Variants in KIF26B observed in about 807,000 individuals in gnomAD.
KIF26B encodes the protein kinesin family member 26B.
KIF26B carries 63 observed loss-of-function variants against 151.2 expected under a neutral mutation model. The observed-to-expected ratio is 0.42, with a 90% CI of 0.34 to 0.51. The LOEUF (loss-of-function observed/expected upper bound fraction) is 0.51. Among genes scored for constraint, KIF26B ranks in the 20% least tolerant of loss-of-function variants. KIF26B has a pLI of 0.07. For missense variants in KIF26B, 2,813 were observed against 2,913.6 expected (o/e 0.97, Z 0.79); for synonymous variants, 1,357 against 1,262.1 (o/e 1.08, Z -1.59).
At chr1:245,266,441 A>G (rs1486920054) in intron 2 of KIF26B, among the ~76,000 whole-genome samples, 1 of 152,188 alleles carries the variant, frequency 6.6e-6, no homozygotes, top group Non-Finnish European at 1.5e-5. Flanking sequence ...CCTGGTGGAA[A>G]GAGAATAAGC....
At chr1:245,598,888 T>C (rs1771527) in intron 5 of KIF26B, among the ~76,000 whole-genome samples, 59,158 of 151,848 alleles carry the variant, frequency 0.39, 11,690 homozygotes, top group African/African-American at 0.43. Flanking sequence ...AATCAGGGTG[T>C]CAGGGGGCCT....
intron 5 of KIF26B, among the ~76,000 whole-genome samples, chr1:245,566,621 C>T (rs906450134): frequency 6.6e-6 from 1 of 152,224 alleles, no homozygotes; most frequent in South Asian, 2.1e-4. Flanking sequence ...TCAAGCGCAA[C>T]ATGTTGATTT....
intron 2 of KIF26B, among the ~76,000 whole-genome samples, chr1:245,208,409 G>C (rs1488564131): frequency 6.6e-6 from 1 of 152,124 alleles, no homozygotes; most frequent in Non-Finnish European, 1.5e-5. Context: ...ATTTTCAGGG[G>C]TGTTTCTCTC....
chr1:245,702,162 G>A lies in KIF26B; in HGVS notation c.6179-296G>A, dbSNP rs1047504506. Among the ~76,000 whole-genome samples, 7 of 152,046 alleles carry A rather than the reference G, an allele frequency of 4.6e-5. No homozygotes were observed. Among genetic ancestry groups the A allele is most frequent in the Non-Finnish European group, 1.0e-4 (7 of 68,024 alleles). On this transcript the variant is annotated intron_variant, in intron 14 of 14. Transcript: ENST00000407071. This position sits in a 1 kb window ranked among gnomAD's most constrained non-coding sequence, Gnocchi z 4.1. ...AGTGTGGTAGCGTCTCTCAAATCCT[G>A]GGATCCATCCTGGATCCTCCATGGC...
intron 2 of KIF26B, among the ~76,000 whole-genome samples, chr1:245,195,716 C>T (rs572651899): frequency 2.6e-5 from 4 of 152,222 alleles, no homozygotes; most frequent in African/African-American, 7.2e-5. Flanking sequence ...CGCCAAACAC[C>T]GAAAGAGCTA....
intron 5 of KIF26B, among the ~76,000 whole-genome samples, chr1:245,600,021 G>A (rs890939384): frequency 2.0e-5 from 3 of 151,558 alleles, no homozygotes; most frequent in South Asian, 2.1e-4. Context: ...CCAGGGCAAG[G>A]AGTTCTAAAA....
intron 2 of KIF26B, among the ~76,000 whole-genome samples, chr1:245,333,826 C>T (rs1672167195): frequency 6.6e-6 from 1 of 152,118 alleles, no homozygotes; most frequent in South Asian, 2.1e-4. Flanking sequence ...GCTGAAACCC[C>T]ATCTCTACTA....
intron 4 of KIF26B, among the ~76,000 whole-genome samples, chr1:245,459,777 G>A (rs1476659665): frequency 6.6e-6 from 1 of 152,158 alleles, no homozygotes; most frequent in Non-Finnish European, 1.5e-5. Flanking sequence ...CAGACCTGGA[G>A]CTAGGCTTCT....
At chr1:245,696,860 A>G (rs1462035419) in intron 12 of KIF26B, among the ~76,000 whole-genome samples, 1 of 152,212 alleles carries the variant, frequency 6.6e-6, no homozygotes, top group Admixed American at 6.5e-5. Context: ...CTGTAATCCC[A>G]ACACTTTGGG....
chr1:245,687,592 C>T lies in KIF26B; in HGVS notation c.4609C>T (p.Leu1537Phe), dbSNP rs1267687489. Residue 1537 changes from leucine to phenylalanine, a missense_variant, in exon 12 of 15, where the codon CTT (leucine) becomes TTT (phenylalanine). Physicochemically the swap from Leu to Phe is conservative, Grantham distance 22. Around this residue, in one of 3 missense-constraint regions of KIF26B, gnomAD observed 2,060 missense variants for 2,088.6 expected, o/e 0.99. Transcript: ENST00000407071. The surrounding 1 kb of genome is among the most constrained non-coding windows in gnomAD (Gnocchi z 4.9). ...CAACAAAAGCGTCAAGTCCAGCAGC[C>T]TTCCCAGGGCCTTTCAGAAGGCCAG... ...HPNKSVKSSS[L>F]PRAFQKASRQ... is the part of the protein sequence containing the mutation. 1 of 1,564,098 alleles carries T rather than the reference C, an allele frequency of 6.4e-7. No homozygotes were observed. The highest frequency in any genetic ancestry group is 8.7e-7 in the Non-Finnish European group (1 of 1,154,596).
rs34346823 is a variant in KIF26B at position 245,180,292 on chromosome 1, C to CAGAGAGAG, written c.465+23626_465+23633dup. On this transcript the variant is annotated intron_variant, in intron 2 of 14. Coordinates refer to ENST00000407071, the MANE Select transcript of KIF26B (RefSeq NM_018012.4). ...ATTCAGCTTCAGATCCTGCAGGTAG[C>CAGAGAGAG]AGAGAGAGAGAGAGAGAGAGAGAGG... Among the ~76,000 whole-genome samples, 205 of 148,618 alleles carry CAGAGAGAG rather than the reference C, an allele frequency of 1.4e-3. 2 individuals are homozygous for CAGAGAGAG. The highest frequency in any genetic ancestry group is 3.3e-3 in the South Asian group (15 of 4,550).
At chr1:245,363,032 G>A (rs978474010) in intron 2 of KIF26B, among the ~76,000 whole-genome samples, 2 of 152,138 alleles carry the variant, frequency 1.3e-5, no homozygotes, top group African/African-American at 4.8e-5. Flanking sequence ...TGTCTCTGAA[G>A]CCCACGAGCT....
chr1:245,570,793 G>T (rs1312294238), intron 5 of KIF26B, among the ~76,000 whole-genome samples: 1 of 152,216 alleles, frequency 6.6e-6, no homozygotes, highest in Non-Finnish European at 1.5e-5. Flanking sequence ...GGTCGCAAAA[G>T]TCAGCTGATG....
At chr1:245,411,309 T>C (rs1674276830) in intron 3 of KIF26B, among the ~76,000 whole-genome samples, 1 of 152,176 alleles carries the variant, frequency 6.6e-6, no homozygotes, top group Non-Finnish European at 1.5e-5. Context: ...TCAACAAGTT[T>C]GCCTGATACC....
At chr1:245,330,818 A>AGAG (rs1672093416) in intron 2 of KIF26B, among the ~76,000 whole-genome samples, 2 of 22,368 alleles carry the variant, frequency 8.9e-5, no homozygotes, top group Non-Finnish European at 1.8e-4. Flanking sequence ...GAGTCGGGGG[A>AGAG]GAGTCGGGGA....
At chr1:245,220,517 G>A (rs1234579469) in intron 2 of KIF26B, among the ~76,000 whole-genome samples, 1 of 152,152 alleles carries the variant, frequency 6.6e-6, no homozygotes, top group African/African-American at 2.4e-5. Context: ...GGAAGCCTCC[G>A]CGGGGTGAGG....
chr1:245,156,764 C>G, intron 2 of KIF26B, 81 bp downstream of exon 2: 1 of 867,464 alleles, frequency 1.2e-6, no homozygotes, highest in South Asian at 3.3e-5. Flanking sequence ...CTCAGCCCGC[C>G]GCGACCTTGC....
At chr1:245,509,262 C>T (rs1468928480) in intron 4 of KIF26B, among the ~76,000 whole-genome samples, 1 of 152,142 alleles carries the variant, frequency 6.6e-6, no homozygotes, top group African/African-American at 2.4e-5. Flanking sequence ...ATGAGAAATA[C>T]AAACAAGATG....
At chr1:245,424,788 C>T (rs1315183576) in intron 4 of KIF26B, among the ~76,000 whole-genome samples, 1 of 152,174 alleles carries the variant, frequency 6.6e-6, no homozygotes, top group African/African-American at 2.4e-5. Context: ...ATTGGTCCTT[C>T]ACCCGGATAG....
Sources: allele counts gnomAD v4.1 joint callset (sites outside exome capture counted in the v4.1 genomes callset), GRCh38; gene constraint gnomAD v4.1.1; regional missense constraint gnomAD v4.1.1; non-coding constraint Gnocchi (gnomAD v3.1); transcripts MANE v1.5; gene names NCBI Gene and HGNC (gene_info 2026-07-23, HGNC 2026-07-21).